RBMS3: variants seen among roughly 807,000 people sequenced by gnomAD.
The protein encoded by RBMS3 is RNA binding motif single stranded interacting protein 3.
RBMS3 carries 27 observed loss-of-function variants against 66.8 expected under a neutral mutation model. That is an observed-to-expected ratio of 0.40 (90% CI 0.30 to 0.56). The LOEUF is 0.56. Among genes scored for constraint, RBMS3 ranks in the 20% least tolerant of loss-of-function variants. The pLI, the probability that RBMS3 is intolerant of heterozygous loss-of-function variation, is 0.40. For missense variants in RBMS3, 513 were observed against 549.5 expected, an observed-to-expected ratio of 0.93 and a Z score of 0.66; for synonymous variants, 188 against 183.0, an observed-to-expected ratio of 1.03 and a Z score of -0.22.
intron 13 of RBMS3, 68 bp downstream of exon 13, chr3:29,988,291 C>A: frequency 7.5e-7 from 1 of 1,327,568 alleles, no homozygotes; most frequent in South Asian, 1.2e-5. Flanking sequence ...CTGTAGTCCC[C>A]CATAACCATA....
At chr3:29,387,684 T>C (rs56829105) in intron 1 of RBMS3, among the ~76,000 whole-genome samples, 6,434 of 152,016 alleles carry the variant, frequency 0.042, 477 homozygotes, top group African/African-American at 0.15. Context: ...GGGCGGATCA[T>C]GAGGTCAGGA....
rs150980350 is a variant in RBMS3, at chr3:29,617,403, A to T, written c.399+30198A>T. Among the ~76,000 whole-genome samples the T allele has an allele frequency of 2.4e-4, 36 of 152,338 alleles. 1 individual carries two copies. The highest frequency in any genetic ancestry group is 8.4e-4 in the African/African-American group (35 of 41,588). On this transcript the variant is annotated intron_variant, in intron 4 of 14. Transcript: ENST00000383767. ...ATGATTTCATTTATACAGCTAAAAA[A>T]CTGTCAAAACTAAGCTGGGGTGATG...
At chr3:29,483,589 G>GA (rs906545892) in intron 2 of RBMS3, among the ~76,000 whole-genome samples, 1 of 152,152 alleles carries the variant, frequency 6.6e-6, no homozygotes, top group African/African-American at 2.4e-5. Context: ...TAAACATGGA[G>GA]AACCACTTAC....
At chr3:29,348,227 G>A (rs565768636) in intron 1 of RBMS3, among the ~76,000 whole-genome samples, 7 of 152,076 alleles carry the variant, frequency 4.6e-5, no homozygotes, top group South Asian at 2.1e-4. Flanking sequence ...TCTTGTTTTC[G>A]TCTTGTTTCA....
intron 1 of RBMS3, among the ~76,000 whole-genome samples, chr3:29,291,817 A>C (rs1313483596): frequency 1.3e-5 from 2 of 151,856 alleles, no homozygotes; most frequent in East Asian, 2.0e-4. Context: ...AGGTATGCAC[A>C]CTGCAGCTAG....
At chr3:29,956,053 A>G (rs749831222) in intron 12 of RBMS3, among the ~76,000 whole-genome samples, 2 of 152,120 alleles carry the variant, frequency 1.3e-5, no homozygotes, top group Non-Finnish European at 2.9e-5. Flanking sequence ...GTCAAGAGCC[A>G]CAACTCAAAT....
chr3:29,740,360 G>A (rs1866774), intron 5 of RBMS3, among the ~76,000 whole-genome samples: 72,607 of 151,874 alleles, frequency 0.48, 17,463 homozygotes, highest in South Asian at 0.55. Flanking sequence ...AGAAGACCCA[G>A]CAAACTCAGA....
At chr3:29,289,739 G>C (rs1456284643) in intron 1 of RBMS3, among the ~76,000 whole-genome samples, 1 of 151,786 alleles carries the variant, frequency 6.6e-6, no homozygotes, top group Non-Finnish European at 1.5e-5. Flanking sequence ...TATAATAGGA[G>C]AAAAGTAAAT....
At chr3:29,796,840 G>C (rs1406686727) in intron 6 of RBMS3, among the ~76,000 whole-genome samples, 1 of 151,070 alleles carries the variant, frequency 6.6e-6, no homozygotes, top group Admixed American at 6.6e-5. Flanking sequence ...GGCCTCCAGA[G>C]TAGCTGGGAC....
At chr3:29,533,979 G>A (rs144784469) in intron 3 of RBMS3, among the ~76,000 whole-genome samples, 3 of 152,298 alleles carry the variant, frequency 2.0e-5, no homozygotes, top group East Asian at 1.9e-4. Context: ...TCCGCTGCAT[G>A]TTCATGTCCA....
At chr3:29,713,841 G>A (rs1375374372) in intron 4 of RBMS3, among the ~76,000 whole-genome samples, 1 of 152,100 alleles carries the variant, frequency 6.6e-6, no homozygotes, top group Non-Finnish European at 1.5e-5. Flanking sequence ...GATCACTTAA[G>A]TTTAGGAGTT....
chr3:29,684,804 A>T (rs1008508693), intron 4 of RBMS3, among the ~76,000 whole-genome samples: 1 of 151,790 alleles, frequency 6.6e-6, no homozygotes, highest in Non-Finnish European at 1.5e-5. Flanking sequence ...ACACACACAC[A>T]CACACACACA....
At chr3:30,000,893 G>C (rs1335364247) in intron 14 of RBMS3, among the ~76,000 whole-genome samples, 3 of 152,020 alleles carry the variant, frequency 2.0e-5, no homozygotes, top group Admixed American at 1.3e-4. Context: ...GTCAGGGAGT[G>C]GGGGACTAAG....
At chr3:29,985,105 G>C (rs775447136) in intron 12 of RBMS3, among the ~76,000 whole-genome samples, 1 of 152,192 alleles carries the variant, frequency 6.6e-6, no homozygotes, top group Admixed American at 6.5e-5. Context: ...CCAGAGATGA[G>C]GAATCTAGAA....
rs532733857 is a variant in RBMS3 at position 29,795,410 on chromosome 3, A to G, written c.637+32421A>G. On this transcript the variant is annotated intron_variant, in intron 6 of 14. Coordinates refer to ENST00000383767, the MANE Select transcript of RBMS3 (RefSeq NM_001003793.3). The stretch of plus-strand genomic sequence containing the variant: ...TTTCAGGTTAACTACATACGTGACT[A>G]GCAAGACAAAATACAGCATTATTTT... Among the ~76,000 whole-genome samples, 19 of 152,354 alleles carry G rather than the reference A, an allele frequency of 1.2e-4. No individual in the cohort carries two copies. In the South Asian group the frequency reaches 3.1e-3, roughly 25 times the overall value.
intron 1 of RBMS3, among the ~76,000 whole-genome samples, chr3:29,351,924 G>A (rs34199392): frequency 0.21 from 31,935 of 151,814 alleles, 3,850 homozygotes; most frequent in African/African-American, 0.33. Flanking sequence ...ACGTACCTGT[G>A]TATAATTTCA....
chr3:29,326,921 G>A (rs941458376), intron 1 of RBMS3, among the ~76,000 whole-genome samples: 3 of 151,950 alleles, frequency 2.0e-5, no homozygotes, highest in Admixed American at 2.0e-4. Context: ...TAGCAGAGAC[G>A]GGGTTTCACC....
At chr3:29,939,285 TACTC>T (rs1187781352) in intron 11 of RBMS3, among the ~76,000 whole-genome samples, 1 of 151,990 alleles carries the variant, frequency 6.6e-6, no homozygotes, top group Non-Finnish European at 1.5e-5. Context: ...ATCATAAACA[TACTC>T]ATACTATATA....
At chr3:29,774,374 C>T (rs187421615) in intron 6 of RBMS3, among the ~76,000 whole-genome samples, 15 of 151,992 alleles carry the variant, frequency 9.9e-5, no homozygotes, top group East Asian at 5.8e-4. Flanking sequence ...GAGCAATCAC[C>T]GGCCGATTAT....
Sources: allele counts gnomAD v4.1 joint callset (sites outside exome capture counted in the v4.1 genomes callset), GRCh38; gene constraint gnomAD v4.1.1; transcripts MANE v1.5; gene names NCBI Gene and HGNC (gene_info 2026-07-23, HGNC 2026-07-21).